The following NRCAM variants were observed in gnomAD, a reference collection of about 807,000 sequenced individuals.
NRCAM encodes neuronal cell adhesion molecule, also known as NgCAM-related cell adhesion molecule.
In NRCAM, 83 loss-of-function variants were observed where a neutral mutation model predicts 156.5. The ratio of observed to expected loss-of-function variants is 0.53; its 90% CI spans 0.44 to 0.64. The LOEUF (loss-of-function observed/expected upper bound fraction) is 0.64. Among genes scored for constraint, NRCAM ranks in the 30% least tolerant of loss-of-function variants. NRCAM has a pLI of 0.00. For missense variants in NRCAM, 1,417 were observed against 1,597.3 expected (o/e 0.89, Z 1.92); for synonymous variants, 538 against 563.9 (o/e 0.95, Z 0.65).
chr7:108,198,450 T>C (rs2076272516), intron 13 of NRCAM, among the ~76,000 whole-genome samples: 1 of 152,196 alleles, frequency 6.6e-6, no homozygotes, highest in African/African-American at 2.4e-5. Flanking sequence ...TGCAGGTTTG[T>C]TACATATGTA....
intron 11 of NRCAM, among the ~76,000 whole-genome samples, chr7:108,217,810 G>A (rs1369435093): frequency 6.6e-5 from 10 of 152,186 alleles, no homozygotes. Context: ...AGACTGCAGT[G>A]TTGGCAGCCA....
At chr7:108,155,801 A>T (rs1032426017) in intron 32 of NRCAM, among the ~76,000 whole-genome samples, 13 of 152,120 alleles carry the variant, frequency 8.5e-5, no homozygotes, top group Non-Finnish European at 7.4e-5. Context: ...AAATTTTTTT[A>T]AAAATTCTAA....
chr7:108,455,382 A>G (rs1365349524), intron 1 of NRCAM, among the ~76,000 whole-genome samples: 3 of 152,134 alleles, frequency 2.0e-5, no homozygotes, highest in Non-Finnish European at 2.9e-5. Context: ...TCCTGGCTCA[A>G]CACAGCATCC....
intron 2 of NRCAM, among the ~76,000 whole-genome samples, chr7:108,355,684 T>C (rs778309917): frequency 1.9e-4 from 29 of 152,230 alleles, no homozygotes; most frequent in Non-Finnish European, 3.2e-4. Flanking sequence ...CTTTGTCCAC[T>C]GTACTGTGCT....
chr7:108,299,134 G>GAAAGAAAGAAAGA (rs1563164581), intron 3 of NRCAM, among the ~76,000 whole-genome samples: 10 of 85,612 alleles, frequency 1.2e-4, no homozygotes, highest in South Asian at 8.2e-4. Flanking sequence ...AAGAAAGAAA[G>GAAAGAAAGAAAGA]AAAGAAAAGA....
chr7:108,443,864 C>A (rs1841346060), intron 1 of NRCAM, among the ~76,000 whole-genome samples: 1 of 110,462 alleles, frequency 9.1e-6, no homozygotes, highest in Admixed American at 8.8e-5. Flanking sequence ...TCCTTTGGTA[C>A]ACAAAGTATA....
intron 2 of NRCAM, among the ~76,000 whole-genome samples, chr7:108,393,164 G>A (rs2154379592): frequency 6.6e-6 from 1 of 152,278 alleles, no homozygotes; most frequent in East Asian, 1.9e-4. Flanking sequence ...GCCCCCAGAG[G>A]TGGAATCTAC....
chr7:108,405,185 T>C (rs753530932), intron 1 of NRCAM, among the ~76,000 whole-genome samples: 1 of 152,222 alleles, frequency 6.6e-6, no homozygotes, highest in Non-Finnish European at 1.5e-5. Flanking sequence ...TTCATGACCT[T>C]ACATTTGTGG....
At chr7:108,433,644 C>A (rs972609264) in intron 1 of NRCAM, among the ~76,000 whole-genome samples, 1 of 152,100 alleles carries the variant, frequency 6.6e-6, no homozygotes, top group Admixed American at 6.5e-5. Flanking sequence ...GAGCCTGGTG[C>A]CTTCCCCCTA....
chr7:108,159,324 C>T, intron 32 of NRCAM, 139 bp downstream of exon 32: 1 of 788,152 alleles, frequency 1.3e-6, no homozygotes. Flanking sequence ...CATGTAAACA[C>T]TGATACATGG....
chr7:108,335,256 T>C (rs574978382), intron 2 of NRCAM, among the ~76,000 whole-genome samples: 2 of 152,144 alleles, frequency 1.3e-5, no homozygotes, highest in Non-Finnish European at 2.9e-5. Flanking sequence ...ATCATAATCA[T>C]AGGCTTATTA....
Position 108,346,833 on chromosome 7 carries a change from G to A in NRCAM, c.-173-34102C>T, listed in dbSNP as rs370012291. Among the ~76,000 whole-genome samples the A allele has an allele frequency of 2.6e-5, 4 of 152,096 alleles. No homozygotes were observed. The East Asian group carries it at 5.8e-4, about 22-fold the overall frequency. Reference sequence around the variant, plus strand: ...AACTACATGAGTACATACATGTTTGGATTTTGAAGATTTAGTAGGAAAAAA... The same window carrying A: ...AACTACATGAGTACATACATGTTTGAATTTTGAAGATTTAGTAGGAAAAAA... On this transcript the variant is annotated intron_variant, in intron 2 of 32. Coordinates refer to ENST00000379028, the MANE Select transcript of NRCAM (RefSeq NM_001037132.4).
chr7:108,342,675 G>C (rs1295555618), intron 2 of NRCAM, among the ~76,000 whole-genome samples: 1 of 152,216 alleles, frequency 6.6e-6, no homozygotes, highest in Non-Finnish European at 1.5e-5. Context: ...AGGTCCAAGG[G>C]ACAAGCCTGC....
intron 26 of NRCAM, 129 bp from the exon 27 acceptor site, chr7:108,176,735 T>G: frequency 1.5e-6 from 1 of 665,946 alleles, no homozygotes; most frequent in Non-Finnish European, 2.5e-6. Context: ...ACTCACTCTT[T>G]CCCCAGCATA....
intron 8 of NRCAM, among the ~76,000 whole-genome samples, chr7:108,229,843 GGAAGAGGCA>G (rs1194160785): frequency 2.6e-5 from 4 of 152,136 alleles, no homozygotes; most frequent in African/African-American, 9.7e-5. Context: ...TTTGGAAGGT[GGAAGAGGCA>G]GAGCAACAAA....
intron 1 of NRCAM, among the ~76,000 whole-genome samples, chr7:108,404,712 C>T (rs576287480): frequency 6.2e-4 from 95 of 152,166 alleles, no homozygotes; most frequent in African/African-American, 2.2e-3. Flanking sequence ...TTTCAATATC[C>T]CCATCTAATA....
intron 11 of NRCAM, among the ~76,000 whole-genome samples, chr7:108,210,781 C>T (rs1255365788): frequency 6.6e-6 from 1 of 152,172 alleles, no homozygotes; most frequent in Non-Finnish European, 1.5e-5. Context: ...TTCCTAAGTA[C>T]TGAACTATAC....
intron 2 of NRCAM, among the ~76,000 whole-genome samples, chr7:108,336,599 C>A (rs1440516554): frequency 1.3e-5 from 2 of 152,190 alleles, no homozygotes; most frequent in Non-Finnish European, 2.9e-5. Context: ...CTAGGGTTCA[C>A]TAGAAACTTT....
intron 28 of NRCAM, among the ~76,000 whole-genome samples, chr7:108,174,087 T>G (rs556929164): frequency 2.0e-5 from 3 of 152,338 alleles, no homozygotes; most frequent in African/African-American, 7.2e-5. Flanking sequence ...GTAAAACTAC[T>G]AATGATTTTA....
Sources: allele counts gnomAD v4.1 joint callset (sites outside exome capture counted in the v4.1 genomes callset), GRCh38; gene constraint gnomAD v4.1.1; transcripts MANE v1.5; gene names NCBI Gene and HGNC (gene_info 2026-07-23, HGNC 2026-07-21).